The following STK32C variants were observed in gnomAD, a reference collection of about 807,000 sequenced individuals.
The protein encoded by STK32C is serine/threonine-protein kinase 32C.
In STK32C, 31 loss-of-function variants were observed where a neutral mutation model predicts 56.5. The observed-to-expected ratio is 0.55, with a 90% CI of 0.41 to 0.74. STK32C has a LOEUF of 0.74. Among genes scored for constraint, STK32C ranks in the 30% least tolerant of loss-of-function variants. The probability of loss-of-function intolerance (pLI) is 0.00; values close to 1 mark genes in which losing one functional copy is unlikely to be tolerated. For missense variants in STK32C, 544 were observed against 676.9 expected, an observed-to-expected ratio of 0.80 and a Z score of 2.18; for synonymous variants, 309 against 289.4, an observed-to-expected ratio of 1.07 and a Z score of -0.69.
chr10:132,330,312 G>C, intron 1 of STK32C: 1 of 639,046 alleles, frequency 1.6e-6, no homozygotes, highest in South Asian at 1.7e-5. Flanking sequence ...TGTTTTATTT[G>C]TGAAAAGAGA....
intron 1 of STK32C, among the ~76,000 whole-genome samples, chr10:132,256,094 A>C (rs1271885906): frequency 6.6e-6 from 1 of 151,972 alleles, no homozygotes; most frequent in African/African-American, 2.4e-5. Flanking sequence ...CTGGGAACAT[A>C]CCCTGTGCCC....
At chr10:132,216,155 C>T (rs2062464194) in intron 10 of STK32C, among the ~76,000 whole-genome samples, 1 of 152,084 alleles carries the variant, frequency 6.6e-6, no homozygotes, top group Non-Finnish European at 1.5e-5. Context: ...AATTTGCAAC[C>T]TGACAATGCA....
At chr10:132,302,000 G>C (rs951865554) in intron 1 of STK32C, among the ~76,000 whole-genome samples, 1 of 152,208 alleles carries the variant, frequency 6.6e-6, no homozygotes, top group Non-Finnish European at 1.5e-5. Flanking sequence ...GCCTGGGGCC[G>C]GCTGGAAATG....
intron 1 of STK32C, among the ~76,000 whole-genome samples, chr10:132,272,650 C>T (rs920894913): frequency 1.3e-5 from 2 of 152,184 alleles, no homozygotes. Context: ...TTCTGGCCAC[C>T]GTCCACTCCC....
At chr10:132,263,865 CAA>C (rs71472732) in intron 1 of STK32C, among the ~76,000 whole-genome samples, 11 of 75,878 alleles carry the variant, frequency 1.4e-4, no homozygotes, top group Admixed American at 3.0e-4. Flanking sequence ...GACTCCATCT[CAA>C]AAAAAAAAAA....
At chr10:132,306,963 A>C (rs2066090390) in intron 1 of STK32C, 1 of 152,154 alleles carries the variant, frequency 6.6e-6, no homozygotes, top group Non-Finnish European at 1.5e-5. Flanking sequence ...CTGCACGGTC[A>C]CTCAGGAGAC....
At position 132,255,141 on chromosome 10, in the gene STK32C, A is replaced by G. The variant is rs2064062881; in HGVS notation, c.263-9186T>C. Among the ~76,000 whole-genome samples the G allele has an allele frequency of 6.6e-6, 1 of 152,224 alleles. No homozygotes were observed. The highest frequency in any genetic ancestry group is 2.1e-4 in the South Asian group (1 of 4,830). Reference sequence around the variant, plus strand: ...GTTGAAACACACGCAGAAGTTGATTAAATGCCGTCTCGTCTCCTATGACCT... The same window carrying G: ...GTTGAAACACACGCAGAAGTTGATTGAATGCCGTCTCGTCTCCTATGACCT... On this transcript the variant is annotated intron_variant, in intron 1 of 11. Coordinates refer to ENST00000298630, the MANE Select transcript of STK32C (RefSeq NM_173575.4). This position sits in a 1 kb window ranked among gnomAD's most constrained non-coding sequence, Gnocchi z 4.6.
chr10:132,240,851 A>G (rs1358467543), intron 2 of STK32C, among the ~76,000 whole-genome samples: 1 of 149,342 alleles, frequency 6.7e-6, no homozygotes, highest in Non-Finnish European at 1.5e-5. Flanking sequence ...ACTGCCCAAC[A>G]GCCAGCCGTG....
intron 10 of STK32C, among the ~76,000 whole-genome samples, chr10:132,222,426 C>T (rs1339436613): frequency 6.6e-6 from 1 of 152,236 alleles, no homozygotes; most frequent in African/African-American, 2.4e-5. Context: ...ATAACCCCAG[C>T]CCTGGTTGTC....
intron 10 of STK32C, among the ~76,000 whole-genome samples, chr10:132,214,620 A>T (rs2062411432): frequency 6.6e-6 from 1 of 152,244 alleles, no homozygotes; most frequent in African/African-American, 2.4e-5. Context: ...GAAATTTTTA[A>T]TTTTTCTTAA....
upstream of STK32C, among the ~76,000 whole-genome samples, chr10:132,312,141 G>C (rs568030259): frequency 1.3e-5 from 2 of 152,070 alleles, no homozygotes; most frequent in Non-Finnish European, 2.9e-5. Context: ...TGAGTAGCTC[G>C]GACCATAGAT....
At chr10:132,321,340 C>T (rs1444472226), downstream of STK32C, among the ~76,000 whole-genome samples, 2 of 152,174 alleles carry the variant, frequency 1.3e-5, no homozygotes, top group Non-Finnish European at 2.9e-5. Context: ...GAGGTAAATG[C>T]TTGGCGTTCA....
At chr10:132,282,510 C>T (rs979551637) in intron 1 of STK32C, among the ~76,000 whole-genome samples, 17 of 116,922 alleles carry the variant, frequency 1.5e-4, no homozygotes, top group African/African-American at 5.3e-4. Context: ...CCTGTGCCTG[C>T]GCCCACCTGT....
intron 1 of STK32C, among the ~76,000 whole-genome samples, chr10:132,301,531 T>G (rs1440451039): frequency 6.6e-6 from 1 of 152,122 alleles, no homozygotes; most frequent in East Asian, 1.9e-4. Flanking sequence ...CGCAGTGGGC[T>G]CGGGGACACA....
chr10:132,215,846 T>G (rs976787961), intron 10 of STK32C, among the ~76,000 whole-genome samples: 1 of 152,208 alleles, frequency 6.6e-6, no homozygotes, highest in Non-Finnish European at 1.5e-5. Context: ...AGAGACTTGT[T>G]GAATGGCTTT....
intron 1 of STK32C, among the ~76,000 whole-genome samples, chr10:132,293,945 GCCC>G (rs2065652757): frequency 1.3e-5 from 2 of 152,184 alleles, no homozygotes; most frequent in South Asian, 4.2e-4. Context: ...GAGGGAAGGG[GCCC>G]CCGAGGGAGC....
At chr10:132,240,263 C>T (rs1467925529) in intron 2 of STK32C, among the ~76,000 whole-genome samples, 1 of 152,242 alleles carries the variant, frequency 6.6e-6, no homozygotes, top group East Asian at 1.9e-4. Flanking sequence ...GCGAGTCCCC[C>T]CGATGGATGA....
At chr10:132,316,230 A>G (rs2066306996) in intron 1 of STK32C, among the ~76,000 whole-genome samples, 1 of 152,220 alleles carries the variant, frequency 6.6e-6, no homozygotes, top group Non-Finnish European at 1.5e-5. Context: ...AATAAATTAC[A>G]TACCTTAAAA....
intron 2 of STK32C, among the ~76,000 whole-genome samples, chr10:132,233,142 T>C (rs371721206): frequency 4.2e-4 from 64 of 152,244 alleles, no homozygotes; most frequent in African/African-American, 1.3e-3. Flanking sequence ...GGTTCAGTGC[T>C]GGGTACCACA....
Sources: allele counts gnomAD v4.1 joint callset (sites outside exome capture counted in the v4.1 genomes callset), GRCh38; gene constraint gnomAD v4.1.1; non-coding constraint Gnocchi (gnomAD v3.1); transcripts MANE v1.5; gene names NCBI Gene and HGNC (gene_info 2026-07-23, HGNC 2026-07-21).